Variants in C1QTNF7 observed in about 807,000 individuals in gnomAD.
C1QTNF7 encodes C1q and TNF related 7, also known as complement C1q tumor necrosis factor-related protein 7.
A neutral mutation model predicts 19.6 loss-of-function variants in C1QTNF7; 15 were observed. The ratio of observed to expected loss-of-function variants is 0.76; its 90% confidence interval spans 0.51 to 1.18. The LOEUF is 1.18. C1QTNF7 is among the 50% of genes most tolerant of loss of function. The pLI, the probability that C1QTNF7 is intolerant of heterozygous loss-of-function variation, is 0.00. For synonymous variants in C1QTNF7, 142 were observed against 137.5 expected, an observed-to-expected ratio of 1.03 and a Z score of -0.23; for missense variants, 324 against 359.7, an observed-to-expected ratio of 0.90 and a Z score of 0.80.
At chr4:15,364,135 C>A (rs1717434073) in intron 1 of C1QTNF7, among the ~76,000 whole-genome samples, 1 of 152,200 alleles carries the variant, frequency 6.6e-6, no homozygotes, top group Admixed American at 6.5e-5. Flanking sequence ...CTTGTCAGAT[C>A]CTGTCAAACC....
chr4:15,404,488 A>G (rs1452733555), intron 1 of C1QTNF7, among the ~76,000 whole-genome samples: 1 of 152,264 alleles, frequency 6.6e-6, no homozygotes, highest in Non-Finnish European at 1.5e-5. Flanking sequence ...TAAAGTATTT[A>G]GAATACAGCA....
chr4:15,424,311 C>A (rs1339598489), upstream of C1QTNF7, among the ~76,000 whole-genome samples: 1 of 152,202 alleles, frequency 6.6e-6, no homozygotes, highest in African/African-American at 2.4e-5. Context: ...ACTTTCAGCT[C>A]CTCTTGAGTC....
chr4:15,440,701 C>A (rs181797028), intron 2 of C1QTNF7, among the ~76,000 whole-genome samples: 17 of 152,208 alleles, frequency 1.1e-4, no homozygotes, highest in African/African-American at 4.1e-4. Context: ...TCACTGCACC[C>A]AGCCCAGAAG....
chr4:15,358,435 G>A (rs180810112), intron 1 of C1QTNF7: 1 of 152,274 alleles, frequency 6.6e-6, no homozygotes, highest in African/African-American at 2.4e-5. Flanking sequence ...ATTTGATCAT[G>A]GTGGATAAGC....
At chr4:15,343,435 T>C (rs865858212) in intron 1 of C1QTNF7, among the ~76,000 whole-genome samples, 1 of 152,104 alleles carries the variant, frequency 6.6e-6, no homozygotes, top group Non-Finnish European at 1.5e-5. Context: ...TCTAAGAGAA[T>C]TGACTTTTTT....
chr4:15,387,770 G>C (rs1718393450), intron 1 of C1QTNF7, among the ~76,000 whole-genome samples: 1 of 152,114 alleles, frequency 6.6e-6, no homozygotes, highest in Non-Finnish European at 1.5e-5. Flanking sequence ...GCTATAAACA[G>C]TAATATATAT....
intron 1 of C1QTNF7, among the ~76,000 whole-genome samples, chr4:15,358,900 A>C (rs1022967007): frequency 6.6e-6 from 1 of 152,170 alleles, no homozygotes; most frequent in Non-Finnish European, 1.5e-5. Context: ...AGTAGGATTC[A>C]TGGGCTTATG....
chr4:15,430,570 T>C (rs922399309), intron 1 of C1QTNF7, among the ~76,000 whole-genome samples: 3 of 152,236 alleles, frequency 2.0e-5, no homozygotes, highest in Non-Finnish European at 2.9e-5. Flanking sequence ...TAGTCTTTAA[T>C]TGGATTGTGA....
In C1QTNF7 at chr4:15,443,005, T is replaced by G; in HGVS notation, c.*206T>G. ...TTCTATTAAAGAATAGCCCCAGATA[T>G]AAATTCTCTTGAAAGCAATGTTCAT... On this transcript the variant is annotated 3_prime_UTR_variant, in exon 3 of 3. Transcript: ENST00000444304. 2.3e-6 allele frequency: 1 copy of G among 434,782 alleles called. No individual in the cohort carries two copies. The highest frequency in any genetic ancestry group is 3.9e-6 in the Non-Finnish European group (1 of 253,954). 26.9% of individuals were successfully genotyped at this position (434,782 alleles called of 1,614,324 possible). A position where few individuals can be genotyped will look rare whatever the true frequency, so the allele number is the denominator to read the frequency against.
chr4:15,411,124 C>T (rs1719388397), intron 1 of C1QTNF7, among the ~76,000 whole-genome samples: 1 of 152,188 alleles, frequency 6.6e-6, no homozygotes, highest in South Asian at 2.1e-4. Context: ...CCAATAAGAA[C>T]TTATTATATT....
chr4:15,439,109 A>T (rs1171945975), intron 2 of C1QTNF7, among the ~76,000 whole-genome samples: 2 of 152,210 alleles, frequency 1.3e-5, no homozygotes, highest in Non-Finnish European at 2.9e-5. Context: ...CTACCCAAGC[A>T]TATGTCTGAC....
intron 1 of C1QTNF7, among the ~76,000 whole-genome samples, chr4:15,384,751 A>G (rs752111490): frequency 2.6e-5 from 4 of 152,170 alleles, no homozygotes; most frequent in Non-Finnish European, 5.9e-5. Context: ...CTTATCTCCA[A>G]ATGTTTCCGA....
At chr4:15,374,867 C>A in intron 1 of C1QTNF7, 4 of 588,154 alleles carry the variant, frequency 6.8e-6, no homozygotes, top group Non-Finnish European at 6.0e-6. Flanking sequence ...CTCTCTCTCT[C>A]TCTCTTTTTT....
intron 1 of C1QTNF7, among the ~76,000 whole-genome samples, chr4:15,341,569 G>A (rs529317301): frequency 5.9e-5 from 9 of 152,238 alleles, no homozygotes; most frequent in South Asian, 4.2e-4. Flanking sequence ...AGTGACCCGC[G>A]ACTGCCAATT....
intron 1 of C1QTNF7, among the ~76,000 whole-genome samples, chr4:15,389,008 C>G (rs6827336): frequency 0.52 from 78,809 of 152,032 alleles, 22,034 homozygotes; most frequent in Middle Eastern, 0.71. Flanking sequence ...ACAGCCTCCA[C>G]CTGGTGGGGT....
chr4:15,422,948 A>G (rs985902789), intron 1 of C1QTNF7, among the ~76,000 whole-genome samples: 2 of 152,206 alleles, frequency 1.3e-5, no homozygotes, highest in Admixed American at 6.5e-5. Context: ...GTTTTAAAAT[A>G]TGAGAAGTGA....
chr4:15,426,888 C>T (rs1577277321), upstream of C1QTNF7, among the ~76,000 whole-genome samples: 1 of 152,236 alleles, frequency 6.6e-6, no homozygotes, highest in East Asian at 1.9e-4. Flanking sequence ...CTATGAGAAA[C>T]CCTGGAAATA....
At chr4:15,347,854 C>T (rs1263758019) in intron 1 of C1QTNF7, among the ~76,000 whole-genome samples, 1 of 152,126 alleles carries the variant, frequency 6.6e-6, no homozygotes, top group Non-Finnish European at 1.5e-5. Flanking sequence ...CCAAGTAAAA[C>T]ATTGAGATCA....
intron 2 of C1QTNF7, among the ~76,000 whole-genome samples, chr4:15,440,978 C>G (rs760770571): frequency 8.6e-5 from 13 of 151,940 alleles, no homozygotes. Context: ...CCCATCTCTA[C>G]TAAAAATACA....
Sources: allele counts gnomAD v4.1 joint callset (sites outside exome capture counted in the v4.1 genomes callset), GRCh38; gene constraint gnomAD v4.1.1; transcripts MANE v1.5; gene names NCBI Gene and HGNC (gene_info 2026-07-23, HGNC 2026-07-21).